TRIM24: variants seen among roughly 807,000 people sequenced by gnomAD.
TRIM24 encodes tripartite motif containing 24.
Under a neutral mutation model 123.9 loss-of-function variants are expected in TRIM24, and 29 were observed. The ratio of observed to expected loss-of-function variants is 0.23; its 90% CI spans 0.17 to 0.32. The LOEUF (loss-of-function observed/expected upper bound fraction) is 0.32, where lower values mean the gene tolerates loss of function less well. Among genes scored for constraint, TRIM24 ranks in the 10% least tolerant of loss-of-function variants. The probability of loss-of-function intolerance (pLI) is 1.00; values close to 1 mark genes in which losing one functional copy is unlikely to be tolerated. For missense variants in TRIM24, 932 were observed against 1,295.3 expected (o/e 0.72, Z 4.31); for synonymous variants, 456 against 461.1 (o/e 0.99, Z 0.14).
At chr7:138,545,940 T>C (rs1455483459) in intron 7 of TRIM24, among the ~76,000 whole-genome samples, 11 of 152,048 alleles carry the variant, frequency 7.2e-5, no homozygotes, top group Non-Finnish European at 1.6e-4. Flanking sequence ...AAACAGTAGA[T>C]TATTTGGGGG....
In TRIM24 at chr7:138,577,290, CATT is replaced by C; in HGVS notation, c.2088-128_2088-126del. 4 of 632,968 alleles carry C rather than the reference CATT, an allele frequency of 6.3e-6. No individual in the cohort carries two copies. In the South Asian group the frequency reaches 1.3e-4, roughly 20 times the overall value. 39.2% of individuals were successfully genotyped at this position (632,968 alleles called of 1,614,324 possible). Reference sequence around the variant, plus strand: ...TACACCAGTTTCATTTGTTATGCATCATTAATTGCTGATGTTAACATACTTATT... The same window carrying C: ...TACACCAGTTTCATTTGTTATGCATCAATTGCTGATGTTAACATACTTATT... On this transcript the variant is annotated intron_variant, in intron 13 of 18. Coordinates refer to ENST00000343526, the MANE Select transcript of TRIM24 (RefSeq NM_015905.3).
In TRIM24 at chr7:138,588,121, A is replaced by G. The variant is rs908979660; in HGVS notation, c.*3170A>G. The G allele has an allele frequency of 2.0e-5, 3 of 152,216 alleles. No individual in the cohort carries two copies. Among genetic ancestry groups the G allele is most frequent in the African/African-American group, 7.2e-5 (3 of 41,442 alleles). 9.4% of individuals were successfully genotyped at this position (152,216 alleles called of 1,614,324 possible). The stretch of plus-strand genomic sequence containing the variant: ...GAATGCTTTCAAAAAGGTTACCTCC[A>G]TAGTCAAAAAAAGGGGGAGTATACA... On this transcript the variant is annotated 3_prime_UTR_variant, in exon 19 of 19. Coordinates refer to ENST00000343526, the MANE Select transcript of TRIM24 (RefSeq NM_015905.3).
At chr7:138,517,094 G>A (rs1269709804) in intron 3 of TRIM24, among the ~76,000 whole-genome samples, 4 of 149,440 alleles carry the variant, frequency 2.7e-5, no homozygotes, top group African/African-American at 9.9e-5. Context: ...GACAGTGTGA[G>A]ATCCTGTCTC....
At chr7:138,469,979 A>G (rs987416111) in intron 1 of TRIM24, among the ~76,000 whole-genome samples, 4 of 151,944 alleles carry the variant, frequency 2.6e-5, no homozygotes, top group African/African-American at 9.7e-5. Context: ...GTGGACCCCC[A>G]TTTGCCTGTA....
intron 7 of TRIM24, among the ~76,000 whole-genome samples, chr7:138,548,000 G>T (rs555421049): frequency 6.6e-6 from 1 of 152,150 alleles, no homozygotes; most frequent in African/African-American, 2.4e-5. Context: ...TGAATATAGG[G>T]TGTAAGAAAA....
At chr7:138,495,279 C>T (rs1290755257) in intron 1 of TRIM24, among the ~76,000 whole-genome samples, 2 of 152,060 alleles carry the variant, frequency 1.3e-5, no homozygotes, top group Admixed American at 6.6e-5. Context: ...TATATCTAAA[C>T]TAAAAGTAAA....
At chr7:138,498,525 C>T (rs755222542) in intron 1 of TRIM24, among the ~76,000 whole-genome samples, 2 of 151,860 alleles carry the variant, frequency 1.3e-5, no homozygotes, top group African/African-American at 4.8e-5. Context: ...TGCCTGGCCC[C>T]CTGTGTGGGT....
At chr7:138,561,407 G>C (rs1422967672) in intron 9 of TRIM24, among the ~76,000 whole-genome samples, 2 of 152,216 alleles carry the variant, frequency 1.3e-5, no homozygotes, top group African/African-American at 4.8e-5. Context: ...TCAGTTGGGA[G>C]CAAGGTAGCC....
chr7:138,576,318 C>A, intron 12 of TRIM24, 55 bp from the exon 13 acceptor site: 3 of 1,507,214 alleles, frequency 2.0e-6, no homozygotes, highest in Non-Finnish European at 2.8e-6. Context: ...TTCAACAGGA[C>A]TTCAATGCAT....
intron 13 of TRIM24, among the ~76,000 whole-genome samples, chr7:138,577,143 G>C (rs1031700853): frequency 1.3e-5 from 2 of 152,132 alleles, no homozygotes; most frequent in African/African-American, 4.8e-5. Flanking sequence ...TACTAAATCT[G>C]GTTGCCTAAT....
intron 11 of TRIM24, among the ~76,000 whole-genome samples, chr7:138,572,532 A>G (rs1404024565): frequency 7.6e-6 from 1 of 131,388 alleles, no homozygotes; most frequent in East Asian, 1.9e-4. Flanking sequence ...TCTTACCTGA[A>G]ATTCCTCTTA....
rs1422176564 is a variant in TRIM24, at chr7:138,508,692, T to TGTGCGCGCGC, written c.483+4285_483+4286insTGCGCGCGCG. Among the ~76,000 whole-genome samples, 355 of 137,266 alleles carry TGTGCGCGCGC rather than the reference T, an allele frequency of 2.6e-3. 4 individuals are homozygous for TGTGCGCGCGC. Among genetic ancestry groups the TGTGCGCGCGC allele is most frequent in the South Asian group, 6.8e-3 (28 of 4,108 alleles). The allele number at this position is 137,266 out of a possible 152,430, so 90.1% of individuals were successfully genotyped here. On this transcript the variant is annotated intron_variant, in intron 2 of 18. Coordinates refer to ENST00000343526, the MANE Select transcript of TRIM24 (RefSeq NM_015905.3). ...GTGTGTGTGTGTGTGTGTGTGTGTGTGCGCGCGCGTGTGTGCGTGTGTGTG... is the reference window on the plus strand; with the variant it reads ...GTGTGTGTGTGTGTGTGTGTGTGTGTGTGCGCGCGCGCGCGCGCGTGTGTGCGTGTGTGTG...
intron 1 of TRIM24, among the ~76,000 whole-genome samples, chr7:138,486,702 G>C (rs1316299481): frequency 6.6e-6 from 1 of 152,154 alleles, no homozygotes; most frequent in Non-Finnish European, 1.5e-5. Context: ...CTGTATCTCT[G>C]TTTTGGTCCC....
chr7:138,487,556 G>A (rs558045389), intron 1 of TRIM24, among the ~76,000 whole-genome samples: 1 of 152,210 alleles, frequency 6.6e-6, no homozygotes, highest in African/African-American at 2.4e-5. Flanking sequence ...TAGCATGAAG[G>A]GCTGTTGAAT....
Position 138,573,527 on chromosome 7 carries a change from T to C in TRIM24, c.1899T>C (p.Ile633=). Residue 633 remains isoleucine (I), a synonymous_variant, in exon 12 of 19, where the codon ATT becomes ATC. Transcript: ENST00000343526. ...SLPDIDCSST[I]MLDNIVRKDT... ...GTAAGATTGACTGTTCAAGTACTAT[T>C]ATGCTGGACAATATTGTGAGGAAAG... 6.2e-7 allele frequency: 1 copy of C among 1,606,728 alleles called. No individual in the cohort carries two copies. The highest frequency in any genetic ancestry group is 1.1e-5 in the South Asian group (1 of 88,656).
intron 2 of TRIM24, among the ~76,000 whole-genome samples, chr7:138,510,024 T>C (rs1021775384): frequency 2.6e-5 from 4 of 152,134 alleles, no homozygotes; most frequent in Non-Finnish European, 4.4e-5. Flanking sequence ...TAAAGCTGGT[T>C]CTACAGATAT....
chr7:138,485,695 T>A (rs1236700690), intron 1 of TRIM24, among the ~76,000 whole-genome samples: 4 of 152,236 alleles, frequency 2.6e-5, no homozygotes, highest in Non-Finnish European at 5.9e-5. Flanking sequence ...GGCTGCATAG[T>A]ATTCCATGGT....
intron 1 of TRIM24, among the ~76,000 whole-genome samples, chr7:138,474,996 G>C (rs2116464354): frequency 1.3e-5 from 2 of 152,330 alleles, no homozygotes; most frequent in African/African-American, 4.8e-5. Context: ...GTATAATACA[G>C]TTATTCAAGA....
chr7:138,475,899 A>C (rs1795385561), intron 1 of TRIM24, among the ~76,000 whole-genome samples: 1 of 152,232 alleles, frequency 6.6e-6, no homozygotes, highest in East Asian at 1.9e-4. Context: ...GACAAATATA[A>C]TAAAAAGGGG....
Sources: allele counts gnomAD v4.1 joint callset (sites outside exome capture counted in the v4.1 genomes callset), GRCh38; gene constraint gnomAD v4.1.1; transcripts MANE v1.5; gene names NCBI Gene and HGNC (gene_info 2026-07-23, HGNC 2026-07-21).